TIMM9: variants seen among roughly 807,000 people sequenced by gnomAD.
TIMM9 encodes the protein mitochondrial import inner membrane translocase subunit Tim9.
A neutral mutation model predicts 13.4 loss-of-function variants in TIMM9; 10 were observed. That is an observed-to-expected ratio of 0.75 (90% CI 0.46 to 1.26). The LOEUF (loss-of-function observed/expected upper bound fraction) is 1.26, where lower values mean the gene tolerates loss of function less well. Among genes scored for constraint, TIMM9 ranks in the 50% most tolerant of loss-of-function variants. The probability of loss-of-function intolerance (pLI) is 0.00; values close to 1 mark genes in which losing one functional copy is unlikely to be tolerated. For missense variants in TIMM9, 87 were observed against 100.8 expected (o/e 0.86, Z 0.58); for synonymous variants, 32 against 32.1 (o/e 1.00, Z 0.01).
At position 58,426,158 on chromosome 14, in the gene TIMM9, C is replaced by CA. The variant is rs1281663229; in HGVS notation, c.-115+895dup. ...CTCATTAGAGAAACTCAGCAAGTTA[C>CA]AAAAAAATAATAATTAAAAGGGTCT... On this transcript the variant is annotated intron_variant, in intron 2 of 5. Transcript: ENST00000395159. Among the ~76,000 whole-genome samples, 5 of 150,762 alleles carry CA rather than the reference C, an allele frequency of 3.3e-5. No individual in the cohort carries two copies. The South Asian group carries it at 6.3e-4, about 19-fold the overall frequency.
chr14:58,410,770 A>T, intron 5 of TIMM9, 73 bp downstream of exon 5: 1 of 1,029,838 alleles, frequency 9.7e-7, no homozygotes, highest in Non-Finnish European at 1.4e-6. Context: ...GGAACAAGTG[A>T]AATGCTTAAG....
chr14:58,412,770 A>G (rs1474982177), intron 3 of TIMM9, among the ~76,000 whole-genome samples: 9 of 152,060 alleles, frequency 5.9e-5, no homozygotes, highest in African/African-American at 2.2e-4. Flanking sequence ...ACGTGGTGTC[A>G]TGTGCCTGTG....
In TIMM9 at chr14:58,420,808, A is replaced by C. The variant is rs1036876982; in HGVS notation, c.-27+3200T>G. On this transcript the variant is annotated intron_variant, in intron 3 of 5. Coordinates refer to ENST00000395159, the MANE Select transcript of TIMM9 (RefSeq NM_012460.4). Reference sequence around the variant, plus strand: ...AAATCCATCTCAAAAAAAAAAAAAAAAAAAACAAGCTATATACCTATCAGA... The same window carrying C: ...AAATCCATCTCAAAAAAAAAAAAAACAAAAACAAGCTATATACCTATCAGA... 3.6e-4 allele frequency among the ~76,000 whole-genome samples: 54 copies of C among 151,904 alleles called. 1 individual carries two copies. Among genetic ancestry groups the C allele is most frequent in the South Asian group, 2.3e-3 (11 of 4,814 alleles).
intron 3 of TIMM9, among the ~76,000 whole-genome samples, chr14:58,413,185 T>C (rs2140318415): frequency 6.6e-6 from 1 of 152,320 alleles, no homozygotes; most frequent in Non-Finnish European, 1.5e-5. Flanking sequence ...ATTTGAATGC[T>C]AAATTTTCAT....
rs567136318 is a variant in TIMM9, at chr14:58,415,895, T to C, written c.-26-3924A>G. Among the ~76,000 whole-genome samples, 74 of 152,036 alleles carry C rather than the reference T, an allele frequency of 4.9e-4. 2 individuals are homozygous for C. Among genetic ancestry groups the C allele is most frequent in the Admixed American group, 4.0e-3 (61 of 15,254 alleles). On this transcript the variant is annotated intron_variant, in intron 3 of 5. Transcript: ENST00000395159. ...CAGCATAAACCCGATGAAACCTACA[T>C]CGACACATAATAGTCAAACATCTGA...
intron 3 of TIMM9, 98 bp from the exon 4 acceptor site, chr14:58,412,069 G>T: frequency 2.3e-6 from 2 of 873,392 alleles, no homozygotes; most frequent in South Asian, 3.1e-5. Flanking sequence ...TTATAAATCT[G>T]TGTATGTAAT....
At chr14:58,410,753 A>T in intron 5 of TIMM9, 90 bp downstream of exon 5, 1 of 869,020 alleles carries the variant, frequency 1.2e-6, no homozygotes, top group Non-Finnish European at 1.8e-6. Flanking sequence ...AATTCCTGTA[A>T]TAAGTAGGAA....
chr14:58,422,643 A>C (rs1429403805), intron 3 of TIMM9, among the ~76,000 whole-genome samples: 1 of 152,122 alleles, frequency 6.6e-6, no homozygotes, highest in African/African-American at 2.4e-5. Context: ...TCCTCTTTTC[A>C]GTGAAATAAA....
intron 3 of TIMM9, among the ~76,000 whole-genome samples, chr14:58,419,901 A>T (rs1381372993): frequency 6.6e-6 from 1 of 152,028 alleles, no homozygotes; most frequent in Non-Finnish European, 1.5e-5. Flanking sequence ...TGGGTGACAG[A>T]CCCTCTCTCT....
At chr14:58,424,823 C>T (rs1015165417) in intron 2 of TIMM9, among the ~76,000 whole-genome samples, 4 of 151,936 alleles carry the variant, frequency 2.6e-5, no homozygotes, top group Admixed American at 6.6e-5. Flanking sequence ...GCCATGATCA[C>T]GCCACTGCTC....
intron 3 of TIMM9, among the ~76,000 whole-genome samples, chr14:58,415,064 A>G (rs2036357963): frequency 1.3e-5 from 2 of 152,226 alleles, no homozygotes; most frequent in East Asian, 3.9e-4. Context: ...CTTCCCAGCC[A>G]GGGAGTTATC....
chr14:58,416,945 C>T (rs2140328330), intron 3 of TIMM9, among the ~76,000 whole-genome samples: 1 of 152,226 alleles, frequency 6.6e-6, no homozygotes, highest in African/African-American at 2.4e-5. Flanking sequence ...ATGTCCCCAC[C>T]CAAATCTCAT....
chr14:58,422,637 C>T (rs1363656381), intron 3 of TIMM9, among the ~76,000 whole-genome samples: 1 of 152,032 alleles, frequency 6.6e-6, no homozygotes, highest in Non-Finnish European at 1.5e-5. Flanking sequence ...TATGTTTCCT[C>T]TTTTCAGTGA....
At chr14:58,423,097 A>C (rs10150307) in intron 3 of TIMM9, among the ~76,000 whole-genome samples, 14,592 of 151,236 alleles carry the variant, frequency 0.096, 899 homozygotes, top group African/African-American at 0.18. Context: ...GAGCCACTGC[A>C]CCCAGACCAA....
chr14:58,412,061 A>G, intron 3 of TIMM9, 90 bp from the exon 4 acceptor site: 1 of 940,342 alleles, frequency 1.1e-6, no homozygotes, highest in Non-Finnish European at 1.7e-6. Flanking sequence ...CTCGTATTTT[A>G]TAAATCTGTG....
In TIMM9 at chr14:58,414,061, G is replaced by A. The variant is rs370176214; in HGVS notation, c.-26-2090C>T. Among the ~76,000 whole-genome samples the A allele has an allele frequency of 7.2e-5, 8 of 111,008 alleles. 1 individual carries two copies. In the South Asian group the frequency reaches 1.0e-3, roughly 14 times the overall value. 72.8% of individuals were successfully genotyped at this position (111,008 alleles called of 152,430 possible). A position where few individuals can be genotyped will look rare whatever the true frequency, so the allele number is the denominator to read the frequency against. On this transcript the variant is annotated intron_variant, in intron 3 of 5. Coordinates refer to ENST00000395159, the MANE Select transcript of TIMM9 (RefSeq NM_012460.4). ...AGGTTTGTATAAAATAAAGCTGTTT[G>A]AAACAGAAATTAAACAGCATGTAAA...
chr14:58,425,149 G>A (rs755638522), intron 2 of TIMM9, among the ~76,000 whole-genome samples: 7 of 151,698 alleles, frequency 4.6e-5, no homozygotes, highest in Non-Finnish European at 5.9e-5. Context: ...GATGGTTCAC[G>A]CCTGTAATCC....
intron 2 of TIMM9, 90 bp from the exon 3 acceptor site, chr14:58,424,185 AT>A (rs1319959402): frequency 1.3e-5 from 2 of 152,120 alleles, no homozygotes; most frequent in Non-Finnish European, 2.9e-5. Context: ...CTAATCATTT[AT>A]TTTTTTAAAG....
chr14:58,423,234 T>C (rs972845046), intron 3 of TIMM9, among the ~76,000 whole-genome samples: 1 of 151,788 alleles, frequency 6.6e-6, no homozygotes, highest in Non-Finnish European at 1.5e-5. Context: ...GATTACGGTA[T>C]AGGCCAGGCA....
Sources: gnomAD v4.1 joint callset for allele counts (sites outside exome capture counted in the v4.1 genomes callset) on GRCh38, gnomAD v4.1.1 for gene constraint, MANE v1.5 for transcripts, NCBI Gene and HGNC (gene_info 2026-07-23, HGNC 2026-07-21) for gene names.